The following ZNF239 variants were observed in gnomAD, a reference collection of about 807,000 sequenced individuals.
ZNF239 encodes zinc finger protein 239.
Under a neutral mutation model 27.5 loss-of-function variants are expected in ZNF239, and 16 were observed. The ratio of observed to expected loss-of-function variants is 0.58; its 90% confidence interval spans 0.39 to 0.88. The LOEUF (loss-of-function observed/expected upper bound fraction) is 0.88. Ranked by LOEUF, ZNF239 falls within the 40% of genes least tolerant of loss-of-function variation. The pLI is 0.00. For synonymous variants in ZNF239, 199 were observed against 192.6 expected, an observed-to-expected ratio of 1.03 and a Z score of -0.27; for missense variants, 527 against 551.9, an observed-to-expected ratio of 0.95 and a Z score of 0.45.
At chr10:43,560,328 C>T (rs1837130842) in intron 3 of ZNF239, among the ~76,000 whole-genome samples, 2 of 152,098 alleles carry the variant, frequency 1.3e-5, no homozygotes, top group Non-Finnish European at 2.9e-5. Context: ...ACATAAGTGC[C>T]CAGGATAAAA....
rs36039838 is a variant in ZNF239, at chr10:43,565,817, G to GAAAAAA, written c.-93+2076_-93+2081dup. On this transcript the variant is annotated intron_variant, in intron 3 of 3. Coordinates refer to ENST00000374446, the MANE Select transcript of ZNF239 (RefSeq NM_001099282.2). ...GTGACAGAACAAGACTCCATCTCAA[G>GAAAAAA]AAAAAAAAAAAAAAAAAAAAAAAAA... 4.0e-3 allele frequency among the ~76,000 whole-genome samples: 268 copies of GAAAAAA among 67,188 alleles called. 2 individuals are homozygous for GAAAAAA. Among genetic ancestry groups the GAAAAAA allele is most frequent in the Middle Eastern group, 0.021 (1 of 48 alleles). The allele number at this position is 67,188 out of a possible 152,430, so 44.1% of individuals were successfully genotyped here.
intron 2 of ZNF239, among the ~76,000 whole-genome samples, chr10:43,572,043 A>G (rs1329100627): frequency 6.6e-6 from 1 of 152,216 alleles, no homozygotes; most frequent in East Asian, 1.9e-4. Flanking sequence ...GACTTACCCA[A>G]TGTCACAGAG....
chr10:43,559,894 T>A (rs751240337), intron 3 of ZNF239, among the ~76,000 whole-genome samples: 7 of 152,166 alleles, frequency 4.6e-5, no homozygotes, highest in Non-Finnish European at 8.8e-5. Context: ...AAATTATGTA[T>A]AACAGAAGGC....
At chr10:43,558,289 G>T in intron 3 of ZNF239, 118 bp from the exon 4 acceptor site, 1 of 947,586 alleles carries the variant, frequency 1.1e-6, no homozygotes, top group Non-Finnish European at 1.5e-6. Context: ...TGTCTTTATA[G>T]TCATGTCCTT....
intron 2 of ZNF239, chr10:43,570,790 A>G (rs915013925): frequency 2.1e-6 from 2 of 959,660 alleles, no homozygotes; most frequent in African/African-American, 3.5e-5. Flanking sequence ...AATTTTTGTC[A>G]TCTTCCAGTC....
chr10:43,562,563 A>G (rs1837329049), intron 3 of ZNF239, among the ~76,000 whole-genome samples: 1 of 152,202 alleles, frequency 6.6e-6, no homozygotes. Flanking sequence ...GAGAGAGAAA[A>G]ATAACAATAT....
At chr10:43,563,540 T>A (rs1399725203) in intron 3 of ZNF239, among the ~76,000 whole-genome samples, 2 of 152,238 alleles carry the variant, frequency 1.3e-5, no homozygotes, top group African/African-American at 2.4e-5. Context: ...AGAAAGTGAT[T>A]TGATTTCATA....
chr10:43,560,766 G>A (rs545238559), intron 3 of ZNF239, among the ~76,000 whole-genome samples: 3 of 151,832 alleles, frequency 2.0e-5, no homozygotes, highest in Non-Finnish European at 4.4e-5. Context: ...ATGCCAAAGT[G>A]GGTCAAGCAT....
chr10:43,570,259 T>C, intron 2 of ZNF239: 2 of 985,298 alleles, frequency 2.0e-6, no homozygotes, highest in Non-Finnish European at 2.4e-6. Context: ...TCAAGGTCAC[T>C]GGTCTCCATT....
chr10:43,563,801 CTTTTT>C (rs199613577), intron 3 of ZNF239, among the ~76,000 whole-genome samples: 1 of 149,060 alleles, frequency 6.7e-6, no homozygotes, highest in African/African-American at 2.5e-5. Context: ...GATAAATCTA[CTTTTT>C]TTTTTGAGAT....
At chr10:43,559,037 C>A (rs1012832249) in intron 3 of ZNF239, among the ~76,000 whole-genome samples, 1 of 151,580 alleles carries the variant, frequency 6.6e-6, no homozygotes, top group Non-Finnish European at 1.5e-5. Context: ...AAACAAAAAA[C>A]AAACAAAAAA....
intron 2 of ZNF239, chr10:43,570,966 G>A: frequency 1.0e-6 from 1 of 985,174 alleles, no homozygotes; most frequent in Non-Finnish European, 1.2e-6. Flanking sequence ...ATTGTGACAA[G>A]GGAAAGGAGA....
Position 43,556,970 on chromosome 10 carries a change from T to C in ZNF239, c.1110A>G (p.Thr370=). The part of the protein sequence containing the change: ...SNLHIHRCIH[T]GEKPYQCYEC... ...CATAGCATTGGTAAGGCTTCTCTCC[T>C]GTGTGGATGCACCGGTGAATGTGAA... Residue 370 remains threonine, a synonymous_variant, in exon 4 of 4, where the codon ACA becomes ACG. Coordinates refer to ENST00000374446, the MANE Select transcript of ZNF239 (RefSeq NM_001099282.2). 1 of 1,613,434 alleles carries C rather than the reference T, an allele frequency of 6.2e-7. No individual in the cohort carries two copies. The highest frequency in any genetic ancestry group is 8.5e-7 in the Non-Finnish European group (1 of 1,179,858).
intron 2 of ZNF239, among the ~76,000 whole-genome samples, chr10:43,571,706 C>T (rs1838049337): frequency 6.6e-6 from 1 of 152,026 alleles, no homozygotes; most frequent in Admixed American, 6.6e-5. Flanking sequence ...TTACAACAGG[C>T]ATCAACATGA....
In ZNF239 at chr10:43,568,026, A is replaced by G. The variant is rs1333022961; in HGVS notation, c.-215-5T>C. On this transcript the variant is annotated splice_polypyrimidine_tract_variant and splice_region_variant and intron_variant, in intron 2 of 3. Transcript: ENST00000374446. ...ATCCTTGAATGTAACTGGTTCCTAA[A>G]ACATTAAGCACATTCCTCCTCAACA... The G allele has an allele frequency of 4.1e-6, 4 of 985,802 alleles. No individual in the cohort carries two copies. Among genetic ancestry groups the G allele is most frequent in the African/African-American group, 3.5e-5 (2 of 57,230 alleles). 61.1% of individuals were successfully genotyped at this position (985,802 alleles called of 1,614,324 possible).
At chr10:43,571,690 C>T (rs1327583064) in intron 2 of ZNF239, among the ~76,000 whole-genome samples, 1 of 152,070 alleles carries the variant, frequency 6.6e-6, no homozygotes, top group Admixed American at 6.5e-5. Context: ...TCCCGAGTAG[C>T]TGGGATTACA....
At chr10:43,569,359 T>A (rs1484301847) in intron 2 of ZNF239, among the ~76,000 whole-genome samples, 1 of 152,170 alleles carries the variant, frequency 6.6e-6, no homozygotes, top group Non-Finnish European at 1.5e-5. Context: ...GCCAAGGTGA[T>A]CTTTTAAAAC....
rs754489225 is a variant in ZNF239 at position 43,568,787 on chromosome 10, C to T, written c.-215-766G>A. Among the ~76,000 whole-genome samples, 25 of 152,272 alleles carry T rather than the reference C, an allele frequency of 1.6e-4. No homozygotes were observed. In the South Asian group the frequency reaches 1.7e-3, roughly 10 times the overall value. ...GGCCCTAGCTGGGCACGATGGCTCA[C>T]GGCTGTAATCCCAGCATTTGGGGAG... On this transcript the variant is annotated intron_variant, in intron 2 of 3. Transcript: ENST00000374446.
At chr10:43,565,794 G>A (rs773207410) in intron 3 of ZNF239, among the ~76,000 whole-genome samples, 2 of 123,490 alleles carry the variant, frequency 1.6e-5, no homozygotes, top group East Asian at 2.5e-4. Flanking sequence ...CAGCCTGGGT[G>A]ACAGAACAAG....
Sources: allele counts gnomAD v4.1 joint callset (sites outside exome capture counted in the v4.1 genomes callset), GRCh38; gene constraint gnomAD v4.1.1; transcripts MANE v1.5; gene names NCBI Gene and HGNC (gene_info 2026-07-23, HGNC 2026-07-21).